The following BANF2 variants were observed in gnomAD, a reference collection of about 807,000 sequenced individuals.
The protein encoded by BANF2 is barrier-to-autointegration factor-like protein.
Under a neutral mutation model 8.0 loss-of-function variants are expected in BANF2, and 4 were observed. The ratio of observed to expected loss-of-function variants is 0.50; its 90% CI spans 0.25 to 1.14. The LOEUF is 1.14. BANF2 is among the 50% of genes most tolerant of loss of function. The pLI, the probability that BANF2 is intolerant of heterozygous loss-of-function variation, is 0.16. For missense variants in BANF2, 96 were observed against 107.5 expected, an observed-to-expected ratio of 0.89 and a Z score of 0.47; for synonymous variants, 50 against 40.6, an observed-to-expected ratio of 1.23 and a Z score of -0.88.
At chr20:17,723,322 T>C (rs143051655) in intron 2 of BANF2, among the ~76,000 whole-genome samples, 28 of 152,264 alleles carry the variant, frequency 1.8e-4, no homozygotes, top group African/African-American at 6.7e-4. Flanking sequence ...AAAAGATAGC[T>C]TTGTGTTTCT....
intron 1 of BANF2, among the ~76,000 whole-genome samples, chr20:17,705,343 A>G (rs2037467575): frequency 6.6e-6 from 1 of 152,210 alleles, no homozygotes; most frequent in Non-Finnish European, 1.5e-5. Flanking sequence ...TGGCTGAGAA[A>G]ACAGAGGGCG....
intron 3 of BANF2, among the ~76,000 whole-genome samples, chr20:17,730,560 C>T (rs1244921961): frequency 6.6e-6 from 1 of 152,332 alleles, no homozygotes; most frequent in African/African-American, 2.4e-5. Flanking sequence ...TGCTCTCTCT[C>T]GCATGCCGGC....
At chr20:17,725,336 C>A (rs1190529200) in intron 3 of BANF2, among the ~76,000 whole-genome samples, 185 bp downstream of exon 3, 3 of 152,272 alleles carry the variant, frequency 2.0e-5, no homozygotes, top group Non-Finnish European at 4.4e-5. Context: ...CAAGGGCCTG[C>A]AGATGATGGG....
chr20:17,718,473 C>A (rs573514633), intron 1 of BANF2, among the ~76,000 whole-genome samples: 2 of 152,302 alleles, frequency 1.3e-5, no homozygotes, highest in East Asian at 3.9e-4. Flanking sequence ...CCGCGCCCAG[C>A]CTGCATTGTA....
intron 1 of BANF2, among the ~76,000 whole-genome samples, chr20:17,709,470 G>C (rs760452913): frequency 2.0e-5 from 3 of 152,168 alleles, no homozygotes; most frequent in Non-Finnish European, 2.9e-5. Context: ...GTGGGCCTTC[G>C]ATATCCTATG....
At chr20:17,704,545 G>A (rs1205619005) in intron 1 of BANF2, among the ~76,000 whole-genome samples, 1 of 152,170 alleles carries the variant, frequency 6.6e-6, no homozygotes, top group Non-Finnish European at 1.5e-5. Flanking sequence ...TACATGATCG[G>A]TCCCTTCTTC....
At chr20:17,733,334 A>G (rs559369354) in intron 3 of BANF2, among the ~76,000 whole-genome samples, 10 of 152,312 alleles carry the variant, frequency 6.6e-5, no homozygotes, top group Non-Finnish European at 1.3e-4. Flanking sequence ...ACATGTGAGG[A>G]TCAGGTGGAT....
At chr20:17,706,442 A>G (rs1379200136) in intron 1 of BANF2, among the ~76,000 whole-genome samples, 2 of 152,194 alleles carry the variant, frequency 1.3e-5, no homozygotes, top group Admixed American at 1.3e-4. Context: ...CGAAGGATTC[A>G]AGCTCTGGCT....
At chr20:17,707,219 T>TAAA (rs11385268) in intron 1 of BANF2, among the ~76,000 whole-genome samples, 10 of 145,946 alleles carry the variant, frequency 6.9e-5, no homozygotes, top group Non-Finnish European at 1.2e-4. Context: ...CCATCTCTAC[T>TAAA]AAAAAAAAAA....
intron 1 of BANF2, among the ~76,000 whole-genome samples, chr20:17,718,227 T>C (rs1379791809): frequency 6.6e-6 from 1 of 152,190 alleles, no homozygotes; most frequent in Non-Finnish European, 1.5e-5. Flanking sequence ...TGTTTTGAGA[T>C]GGAGTCTCAC....
chr20:17,713,636 C>A (rs1391393706), intron 1 of BANF2, among the ~76,000 whole-genome samples: 1 of 151,978 alleles, frequency 6.6e-6, no homozygotes, highest in African/African-American at 2.4e-5. Flanking sequence ...GAGTTTGAGA[C>A]CAGCCTGGGC....
chr20:17,724,581 C>T (rs2296903), intron 2 of BANF2, among the ~76,000 whole-genome samples: 61,923 of 152,038 alleles, frequency 0.41, 13,393 homozygotes, highest in Admixed American at 0.56. Context: ...TGAAGAGTTT[C>T]TAGAGAGTTT....
chr20:17,710,249 G>C (rs187732249), intron 1 of BANF2, among the ~76,000 whole-genome samples: 1 of 152,224 alleles, frequency 6.6e-6, no homozygotes, highest in Non-Finnish European at 1.5e-5. Flanking sequence ...GGGCAGGGCA[G>C]GGACAGCGTC....
chr20:17,697,191 C>T (rs1054073995), upstream of BANF2, among the ~76,000 whole-genome samples: 4 of 152,170 alleles, frequency 2.6e-5, no homozygotes, highest in African/African-American at 7.2e-5. Flanking sequence ...CCCCCAAAAG[C>T]ATGAACAAGA....
chr20:17,709,016 G>A (rs57352807), intron 1 of BANF2, among the ~76,000 whole-genome samples: 2,378 of 152,342 alleles, frequency 0.016, 82 homozygotes, highest in African/African-American at 0.054. Flanking sequence ...AGGTGATAAT[G>A]CAATCAATGA....
At chr20:17,729,173 C>T (rs1314791644) in intron 3 of BANF2, among the ~76,000 whole-genome samples, 2 of 152,184 alleles carry the variant, frequency 1.3e-5, no homozygotes, top group African/African-American at 4.8e-5. Flanking sequence ...GTGCACATGC[C>T]AATGAGGCTC....
intron 1 of BANF2, among the ~76,000 whole-genome samples, chr20:17,706,119 T>G (rs763069960): frequency 6.6e-6 from 1 of 152,166 alleles, no homozygotes; most frequent in Non-Finnish European, 1.5e-5. Context: ...TGAAGGGGCT[T>G]GAAGGTTGGC....
upstream of BANF2, among the ~76,000 whole-genome samples, chr20:17,695,442 T>C (rs1386400673): frequency 2.5e-5 from 2 of 80,564 alleles, no homozygotes; most frequent in Non-Finnish European, 5.0e-5. Flanking sequence ...CAAGACCTTG[T>C]CTCAAAAAAA....
chr20:17,699,280 C>G (rs765216162), upstream of BANF2, among the ~76,000 whole-genome samples: 1 of 152,178 alleles, frequency 6.6e-6, no homozygotes, highest in Admixed American at 6.5e-5. Context: ...TTATACTTTG[C>G]CCCCTTTTTT....
Sources: allele counts gnomAD v4.1 joint callset (sites outside exome capture counted in the v4.1 genomes callset), GRCh38; gene constraint gnomAD v4.1.1; transcripts MANE v1.5; gene names NCBI Gene and HGNC (gene_info 2026-07-23, HGNC 2026-07-21).